Variants in BCAS3 observed in about 807,000 individuals in gnomAD.
BCAS3 encodes BCAS3 microtubule associated cell migration factor, also known as BCAS4/BCAS3 fusion.
A neutral mutation model predicts 116.1 loss-of-function variants in BCAS3; 53 were observed. The ratio of observed to expected loss-of-function variants is 0.46; its 90% CI spans 0.37 to 0.57. The LOEUF is 0.57. Among genes scored for constraint, BCAS3 ranks in the 20% least tolerant of loss-of-function variants. The pLI, the probability that BCAS3 is intolerant of heterozygous loss-of-function variation, is 0.00. For synonymous variants in BCAS3, 391 were observed against 408.2 expected, an observed-to-expected ratio of 0.96 and a Z score of 0.51; for missense variants, 917 against 1,165.4, an observed-to-expected ratio of 0.79 and a Z score of 3.10.
chr17:61,262,312 T>C (rs1438829113), intron 22 of BCAS3, among the ~76,000 whole-genome samples: 1 of 150,896 alleles, frequency 6.6e-6, no homozygotes, highest in Non-Finnish European at 1.5e-5. Context: ...ACAGGAAATG[T>C]ATAAGGCAAA....
intron 23 of BCAS3, among the ~76,000 whole-genome samples, chr17:61,369,793 GA>G (rs1329425801): frequency 6.6e-6 from 1 of 152,230 alleles, no homozygotes; most frequent in African/African-American, 2.4e-5. Context: ...ACCCAGAGAT[GA>G]GAAGCATTTA....
intron 4 of BCAS3, among the ~76,000 whole-genome samples, chr17:60,694,197 T>C (rs1164033755): frequency 1.2e-3 from 182 of 151,468 alleles, no homozygotes; most frequent in African/African-American, 4.2e-3. Flanking sequence ...AACATTTTAA[T>C]TTTTAAAAAA....
In BCAS3 at chr17:61,339,777, A is replaced by C. The variant is rs1424808173; in HGVS notation, c.2426-28550A>C. On this transcript the variant is annotated intron_variant, in intron 22 of 23. Transcript: ENST00000407086. This position sits in a 1 kb window ranked among gnomAD's most constrained non-coding sequence, Gnocchi z 4.4. ...CGAGACCCCATCTAAAAAAAAAAAA[A>C]AAAGACCAAGGAGATGAGTGGAAGA... 6.6e-6 allele frequency among the ~76,000 whole-genome samples: 1 copy of C among 152,014 alleles called. No homozygotes were observed. The highest frequency in any genetic ancestry group is 2.4e-5 in the African/African-American group (1 of 41,400).
Position 61,038,120 on chromosome 17 carries a change from A to C in BCAS3, c.1928+66A>C. The C allele has an allele frequency of 2.1e-6, 3 of 1,455,888 alleles. No homozygotes were observed. In the South Asian group the frequency reaches 3.9e-5, roughly 19 times the overall value. 90.2% of individuals were successfully genotyped at this position (1,455,888 alleles called of 1,614,324 possible). ...AAGGTATAGAAGATTAAAAGCGTAT[A>C]ATTTGATAAGTTTTGACATGCATAC... On this transcript the variant is annotated intron_variant, in intron 18 of 23. Coordinates refer to ENST00000407086, the MANE Select transcript of BCAS3 (RefSeq NM_017679.5).
Position 61,327,628 on chromosome 17 carries a change from G to C in BCAS3, c.2426-40699G>C, listed in dbSNP as rs552571787. Among the ~76,000 whole-genome samples, 7 of 152,110 alleles carry C rather than the reference G, an allele frequency of 4.6e-5. No individual in the cohort carries two copies. In the South Asian group the frequency reaches 1.5e-3, roughly 32 times the overall value. ...GGGTTCAAGACATTCTCCTGCCTCA[G>C]CCTCCCGAGTAGCTGGGATTACAGG... On this transcript the variant is annotated intron_variant, in intron 22 of 23. Coordinates refer to ENST00000407086, the MANE Select transcript of BCAS3 (RefSeq NM_017679.5). This position sits in a 1 kb window ranked among gnomAD's most constrained non-coding sequence, Gnocchi z 5.9.
intron 6 of BCAS3, among the ~76,000 whole-genome samples, chr17:60,756,270 T>G (rs2144319455): frequency 6.6e-6 from 1 of 152,318 alleles, no homozygotes; most frequent in African/African-American, 2.4e-5. Flanking sequence ...ACCACTTACC[T>G]AACAGGAGGT....
At chr17:60,728,074 G>T (rs1478860755) in intron 5 of BCAS3, among the ~76,000 whole-genome samples, 1 of 152,106 alleles carries the variant, frequency 6.6e-6, no homozygotes, top group East Asian at 1.9e-4. Flanking sequence ...CTCCCAAAGT[G>T]CTGGGATTAC....
chr17:61,165,392 C>G (rs989153684), intron 22 of BCAS3, among the ~76,000 whole-genome samples: 1 of 152,160 alleles, frequency 6.6e-6, no homozygotes, highest in African/African-American at 2.4e-5. Flanking sequence ...AAAAGTTATT[C>G]TACTTTTTTT....
At chr17:61,314,212 T>G (rs1367694766) in intron 22 of BCAS3, among the ~76,000 whole-genome samples, 3 of 152,194 alleles carry the variant, frequency 2.0e-5, no homozygotes, top group Non-Finnish European at 4.4e-5. Context: ...AATGTCCGCA[T>G]TCTCTTCTCC....
intron 6 of BCAS3, among the ~76,000 whole-genome samples, chr17:60,785,208 GA>G (rs2046189381): frequency 6.6e-6 from 1 of 152,152 alleles, no homozygotes; most frequent in Non-Finnish European, 1.5e-5. Flanking sequence ...ACCCAGGCTG[GA>G]GTGCAGTGGT....
At chr17:60,805,886 C>G (rs2048231441) in intron 6 of BCAS3, among the ~76,000 whole-genome samples, 1 of 136,806 alleles carries the variant, frequency 7.3e-6, no homozygotes, top group Non-Finnish European at 1.5e-5. Context: ...TGAGACGGAG[C>G]CTTGCTCTGT....
intron 5 of BCAS3, among the ~76,000 whole-genome samples, chr17:60,724,910 G>C (rs2039669751): frequency 6.6e-6 from 1 of 151,910 alleles, no homozygotes; most frequent in Non-Finnish European, 1.5e-5. Context: ...GGAGTGCAGT[G>C]GTGCCATTAT....
chr17:61,045,871 ATATAAATATATAT>A (rs2068047312), intron 19 of BCAS3, among the ~76,000 whole-genome samples: 1 of 45,274 alleles, frequency 2.2e-5, no homozygotes, highest in Non-Finnish European at 3.3e-5. Context: ...ATATAAATAT[ATATAAATATATAT>A]TATATATATA....
At chr17:61,195,631 C>T (rs1428618645) in intron 22 of BCAS3, among the ~76,000 whole-genome samples, 1 of 151,814 alleles carries the variant, frequency 6.6e-6, no homozygotes, top group Non-Finnish European at 1.5e-5. Flanking sequence ...CCCACCTTGG[C>T]TTCCCAAAGT....
intron 14 of BCAS3, among the ~76,000 whole-genome samples, chr17:60,971,506 A>G (rs527311340): frequency 1.8e-4 from 28 of 152,238 alleles, no homozygotes; most frequent in Admixed American, 9.8e-4. Context: ...GCATTATTCT[A>G]TCATGCTGGT....
At chr17:60,949,704 G>A (rs953341372) in intron 14 of BCAS3, among the ~76,000 whole-genome samples, 8 of 151,986 alleles carry the variant, frequency 5.3e-5, no homozygotes, top group Non-Finnish European at 1.0e-4. Context: ...CTTTGTGTTG[G>A]GAACATTCTA....
In BCAS3 at chr17:61,377,308, G is replaced by A. The variant is rs962443040; in HGVS notation, c.2593+8814G>A. Among the ~76,000 whole-genome samples, 1 of 152,236 alleles carries A rather than the reference G, an allele frequency of 6.6e-6. No homozygotes were observed. Among genetic ancestry groups the A allele is most frequent in the African/African-American group, 2.4e-5 (1 of 41,470 alleles). On this transcript the variant is annotated intron_variant, in intron 23 of 23. Coordinates refer to ENST00000407086, the MANE Select transcript of BCAS3 (RefSeq NM_017679.5). This position sits in a 1 kb window ranked among gnomAD's most constrained non-coding sequence, Gnocchi z 4.6. ...TCCCTACTCGGGACAAGAGGGAGCA[G>A]CTGCGCCAGCGAGACTGTGGGACAG...
intron 7 of BCAS3, among the ~76,000 whole-genome samples, chr17:60,835,826 A>T (rs2051323360): frequency 6.6e-6 from 1 of 152,132 alleles, no homozygotes; most frequent in Non-Finnish European, 1.5e-5. Context: ...ATACAGCAGT[A>T]ACAGATATTA....
chr17:61,153,899 C>T (rs1196461188), intron 22 of BCAS3, among the ~76,000 whole-genome samples: 2 of 152,148 alleles, frequency 1.3e-5, no homozygotes, highest in African/African-American at 4.8e-5. Context: ...AACAACCAAC[C>T]AACAACCACA....
Sources: allele counts gnomAD v4.1 joint callset (sites outside exome capture counted in the v4.1 genomes callset), GRCh38; gene constraint gnomAD v4.1.1; non-coding constraint Gnocchi (gnomAD v3.1); transcripts MANE v1.5; gene names NCBI Gene and HGNC (gene_info 2026-07-23, HGNC 2026-07-21).